KCNH8: variants seen among roughly 807,000 people sequenced by gnomAD.
KCNH8 encodes the protein voltage-gated delayed rectifier potassium channel KCNH8.
KCNH8 carries 70 observed loss-of-function variants against 103.6 expected under a neutral mutation model. That is an observed-to-expected ratio of 0.68 (90% confidence interval 0.56 to 0.82). The LOEUF is 0.82. Ranked by LOEUF, KCNH8 falls within the 40% of genes least tolerant of loss-of-function variation. The probability of loss-of-function intolerance (pLI) is 0.00; values close to 1 mark genes in which losing one functional copy is unlikely to be tolerated. For synonymous variants in KCNH8, 498 were observed against 489.4 expected, an observed-to-expected ratio of 1.02 and a Z score of -0.23; for missense variants, 1,217 against 1,329.9, an observed-to-expected ratio of 0.92 and a Z score of 1.32.
intron 5 of KCNH8, among the ~76,000 whole-genome samples, chr3:19,387,171 T>A (rs1220668666): frequency 6.6e-6 from 1 of 152,152 alleles, no homozygotes; most frequent in Non-Finnish European, 1.5e-5. Flanking sequence ...ACAGTTCATC[T>A]CACCACATTT....
intron 15 of KCNH8, among the ~76,000 whole-genome samples, chr3:19,519,457 T>C (rs994786441): frequency 6.6e-6 from 1 of 151,096 alleles, no homozygotes; most frequent in Middle Eastern, 3.4e-3. Context: ...TTCGTGGAGA[T>C]TTATGTTTTA....
At chr3:19,492,661 T>A (rs2068348072) in intron 11 of KCNH8, among the ~76,000 whole-genome samples, 2 of 152,188 alleles carry the variant, frequency 1.3e-5, no homozygotes, top group African/African-American at 4.8e-5. Context: ...TTTTGCTGTT[T>A]GGGCTCTTTT....
chr3:19,433,138 C>T (rs1022964881), intron 7 of KCNH8, among the ~76,000 whole-genome samples: 1 of 152,124 alleles, frequency 6.6e-6, no homozygotes, highest in Admixed American at 6.5e-5. Flanking sequence ...AACTTCCTAT[C>T]GTACAAACTT....
rs2125256303 is a variant in KCNH8 at position 19,533,756 on chromosome 3, C to T, written c.2981C>T (p.Ser994Leu). 1.2e-6 allele frequency: 2 copies of T among 1,614,178 alleles called. No homozygotes were observed. Among genetic ancestry groups the T allele is most frequent in the Middle Eastern group, 1.7e-4 (1 of 6,060 alleles). The change falls in exon 16 of 16, where the codon TCA (serine) becomes TTA (leucine). Residue 994 changes from serine (S) to leucine (L), a missense_variant. Ser to Leu is a moderately radical substitution (Grantham distance 145). Coordinates refer to ENST00000328405, the MANE Select transcript of KCNH8 (RefSeq NM_144633.3). ...TATCATTCTCCAAGCCTTGATTATT[C>T]ACCTTCCCACTACCAGGTTGTCCAA... The part of the protein sequence containing the change: ...ELYHSPSLDY[S>L]PSHYQVVQEG...
chr3:19,359,980 C>A (rs17005867), intron 5 of KCNH8, among the ~76,000 whole-genome samples: 1 of 151,502 alleles, frequency 6.6e-6, no homozygotes, highest in South Asian at 2.1e-4. Flanking sequence ...ACTGTAATGC[C>A]AAATAGAGAA....
At chr3:19,174,045 C>CTTGGT (rs2063374425) in intron 1 of KCNH8, among the ~76,000 whole-genome samples, 1 of 151,096 alleles carries the variant, frequency 6.6e-6, no homozygotes, top group Non-Finnish European at 1.5e-5. Flanking sequence ...CTCACCACCC[C>CTTGGT]CAGCACTTGG....
chr3:19,274,205 T>A (rs1282030373), intron 2 of KCNH8, among the ~76,000 whole-genome samples: 1 of 152,186 alleles, frequency 6.6e-6, no homozygotes, highest in Non-Finnish European at 1.5e-5. Flanking sequence ...AAGAAAATAC[T>A]ACACATCTCA....
intron 11 of KCNH8, among the ~76,000 whole-genome samples, chr3:19,487,576 G>A (rs2068236390): frequency 6.6e-6 from 1 of 152,192 alleles, no homozygotes; most frequent in South Asian, 2.1e-4. Context: ...ACTTCTGTGA[G>A]TACGGGTGCT....
intron 11 of KCNH8, among the ~76,000 whole-genome samples, chr3:19,495,638 T>C (rs891865288): frequency 2.0e-5 from 3 of 152,196 alleles, no homozygotes; most frequent in Admixed American, 1.3e-4. Flanking sequence ...TCAGGTAACA[T>C]GATACCTCAG....
intron 7 of KCNH8, among the ~76,000 whole-genome samples, chr3:19,399,732 C>T (rs891229598): frequency 5.9e-5 from 9 of 151,942 alleles, no homozygotes; most frequent in African/African-American, 1.9e-4. Context: ...AAACTCCAGC[C>T]ACCTGTTCAA....
intron 3 of KCNH8, among the ~76,000 whole-genome samples, chr3:19,318,660 TGTACACAC>T (rs1559474341): frequency 1.1e-5 from 1 of 92,700 alleles, no homozygotes. Flanking sequence ...TGTGTGTGTG[TGTACACAC>T]ACACACACAC....
At chr3:19,194,966 A>G (rs73819504) in intron 1 of KCNH8, among the ~76,000 whole-genome samples, 2,368 of 152,000 alleles carry the variant, frequency 0.016, 32 homozygotes, top group African/African-American at 0.035. Flanking sequence ...TTAGATAAGG[A>G]GTAGAAGGCC....
chr3:19,305,263 A>T (rs1272769254), intron 3 of KCNH8, among the ~76,000 whole-genome samples: 1 of 152,176 alleles, frequency 6.6e-6, no homozygotes, highest in Non-Finnish European at 1.5e-5. Context: ...TTGCCAATAA[A>T]GTCAAAGGTA....
intron 1 of KCNH8, among the ~76,000 whole-genome samples, chr3:19,173,568 G>C (rs954435315): frequency 6.6e-6 from 1 of 152,052 alleles, no homozygotes; most frequent in African/African-American, 2.4e-5. Context: ...TGCCCAGTTT[G>C]TAAGTTTCAT....
At chr3:19,519,105 A>G (rs990818004) in intron 15 of KCNH8, among the ~76,000 whole-genome samples, 3 of 151,960 alleles carry the variant, frequency 2.0e-5, no homozygotes, top group Admixed American at 6.6e-5. Context: ...TCAACCAAGG[A>G]GCAAGGAAAA....
Position 19,451,141 on chromosome 3 carries a change from A to C in KCNH8, c.1576-14A>C. 1 of 1,613,048 alleles carries C rather than the reference A, an allele frequency of 6.2e-7. No homozygotes were observed. Among genetic ancestry groups the C allele is most frequent in the Non-Finnish European group, 8.5e-7 (1 of 1,179,194 alleles). On this transcript the variant is annotated splice_polypyrimidine_tract_variant and intron_variant, in intron 9 of 15. Coordinates refer to ENST00000328405, the MANE Select transcript of KCNH8 (RefSeq NM_144633.3). ...TTACCCCAATTTGATTTCCTCCTTC[A>C]TCTTCTCTGACAGCTTTTGAAAGAC...
intron 3 of KCNH8, among the ~76,000 whole-genome samples, chr3:19,287,283 C>T (rs982979617): frequency 1.3e-5 from 2 of 152,024 alleles, no homozygotes; most frequent in South Asian, 2.1e-4. Context: ...TAGAGAAAAA[C>T]GGAACCAGAC....
intron 2 of KCNH8, among the ~76,000 whole-genome samples, chr3:19,267,424 T>C (rs2064527964): frequency 6.6e-6 from 1 of 152,176 alleles, no homozygotes; most frequent in Non-Finnish European, 1.5e-5. Flanking sequence ...TGTTGGCCTT[T>C]AGCAACTTTG....
intron 2 of KCNH8, among the ~76,000 whole-genome samples, chr3:19,268,045 T>G (rs922301627): frequency 6.6e-6 from 1 of 152,268 alleles, no homozygotes; most frequent in Non-Finnish European, 1.5e-5. Flanking sequence ...AATAATTTAG[T>G]TCATTATCTG....
Sources: allele counts gnomAD v4.1 joint callset (sites outside exome capture counted in the v4.1 genomes callset), GRCh38; gene constraint gnomAD v4.1.1; transcripts MANE v1.5; gene names NCBI Gene and HGNC (gene_info 2026-07-23, HGNC 2026-07-21).